The following LIMK2 variants were observed in gnomAD, a reference collection of about 807,000 sequenced individuals.
LIMK2 encodes the protein LIM domain kinase 2.
LIMK2 carries 35 observed loss-of-function variants against 75.7 expected under a neutral mutation model. That is an observed-to-expected ratio of 0.46 (90% CI 0.35 to 0.61). The LOEUF (loss-of-function observed/expected upper bound fraction) is 0.61. Ranked by LOEUF, LIMK2 falls within the 20% of genes least tolerant of loss-of-function variation. The pLI is 0.00. For missense variants in LIMK2, 623 were observed against 831.0 expected, an observed-to-expected ratio of 0.75 and a Z score of 3.08; for synonymous variants, 301 against 319.2, an observed-to-expected ratio of 0.94 and a Z score of 0.61.
At chr22:31,237,130 A>G (rs916843893) in intron 2 of LIMK2, among the ~76,000 whole-genome samples, 3 of 151,200 alleles carry the variant, frequency 2.0e-5, no homozygotes, top group Admixed American at 6.6e-5. Context: ...GCATGGTGGC[A>G]GGCACCTGTA....
chr22:31,249,102 G>A (rs916021852), intron 2 of LIMK2, among the ~76,000 whole-genome samples: 1 of 152,288 alleles, frequency 6.6e-6, no homozygotes, highest in East Asian at 1.9e-4. Flanking sequence ...CAAATAGAGT[G>A]CTGTTTCCAG....
Position 31,267,847 on chromosome 22 carries a change from G to A in LIMK2, c.1200G>A (p.Lys400=). ...KFIGVLYKDK[K]LNLLTEYIEG... The stretch of plus-strand genomic sequence containing the variant: ...TTGGTGTGCTGTACAAGGATAAGAA[G>A]CTGAACCTCCTGACAGAGTACATTG... The change falls in exon 10 of 16, where the codon AAG becomes AAA. Residue 400 remains lysine (K), a synonymous_variant. Coordinates refer to ENST00000331728, the MANE Select transcript of LIMK2 (RefSeq NM_005569.4). 6.2e-7 allele frequency: 1 copy of A among 1,613,410 alleles called. No individual in the cohort carries two copies. Among genetic ancestry groups the A allele is most frequent in the Non-Finnish European group, 8.5e-7 (1 of 1,179,714 alleles).
At position 31,264,006 on chromosome 22, in the gene LIMK2, T is replaced by G. The variant is rs552458413; in HGVS notation, c.854+1215T>G. ...CCTTGTCTCCAAAAAAAAAAGTTTG[T>G]TTTTTTTTATCCACTCTCCTCACCA... On this transcript the variant is annotated intron_variant, in intron 7 of 15. Transcript: ENST00000331728. Among the ~76,000 whole-genome samples the G allele has an allele frequency of 3.0e-4, 45 of 151,170 alleles. No homozygotes were observed. The East Asian group carries it at 8.5e-3, about 29-fold the overall frequency.
chr22:31,263,662 A>G (rs2048863016), intron 7 of LIMK2, among the ~76,000 whole-genome samples: 1 of 150,974 alleles, frequency 6.6e-6, no homozygotes, highest in Admixed American at 6.7e-5. Flanking sequence ...CAACATAGTG[A>G]GACACTGTCT....
intron 2 of LIMK2, 103 bp downstream of exon 2, chr22:31,225,922 C>A: frequency 1.1e-6 from 1 of 889,168 alleles, no homozygotes; most frequent in Non-Finnish European, 1.8e-6. Context: ...TTGAGAATTT[C>A]AATCTTAGGG....
chr22:31,265,866 C>A, intron 7 of LIMK2, 80 bp from the exon 8 acceptor site: 2 of 1,166,140 alleles, frequency 1.7e-6, no homozygotes, highest in Admixed American at 1.9e-5. Flanking sequence ...AACAGGTGCC[C>A]CTAAGTTTCC....
rs1289047048 is a variant in LIMK2, at chr22:31,260,071, TG to T, written c.546del (p.Glu184ArgfsTer51). ...TCCAACTACGCCACCACTGTGCAAG[TG>T]AAAGAGTAAGTATTTTGAGAACCCT... ...ACSNYATTVQVKEVNRMHISP... is the reference protein window; with the variant it reads ...ACSNYATTVQXKEVNRMHISP... On this transcript the variant is annotated frameshift_variant, in exon 5 of 16. Coordinates refer to ENST00000331728, the MANE Select transcript of LIMK2 (RefSeq NM_005569.4). LOFTEE classifies it high-confidence loss of function. 6.4e-7 allele frequency: 1 copy of T among 1,573,248 alleles called. No homozygotes were observed. The highest frequency in any genetic ancestry group is 1.7e-4 in the Middle Eastern group (1 of 5,932).
At chr22:31,272,905 A>G in intron 13 of LIMK2, 2 of 1,353,508 alleles carry the variant, frequency 1.5e-6, no homozygotes, top group Non-Finnish European at 1.9e-6. Flanking sequence ...GTGTCCCATC[A>G]TGGGGGATAA....
intron 2 of LIMK2, among the ~76,000 whole-genome samples, chr22:31,243,577 C>T (rs950150360): frequency 6.6e-6 from 1 of 152,212 alleles, no homozygotes; most frequent in Non-Finnish European, 1.5e-5. Flanking sequence ...AGACCTGTGC[C>T]TCAGCTGGTT....
At chr22:31,219,780 G>A (rs1186522496) in intron 1 of LIMK2, among the ~76,000 whole-genome samples, 2 of 152,074 alleles carry the variant, frequency 1.3e-5, no homozygotes, top group African/African-American at 4.8e-5. Context: ...CACCGTGTTA[G>A]CCAGGATGGC....
chr22:31,243,000 G>A (rs994870514), intron 2 of LIMK2, among the ~76,000 whole-genome samples: 7 of 152,166 alleles, frequency 4.6e-5, no homozygotes, highest in East Asian at 1.9e-4. Context: ...TTGGCTCACC[G>A]CAACCTCCGC....
intron 2 of LIMK2, among the ~76,000 whole-genome samples, chr22:31,236,968 A>AAAAT (rs1568987539): frequency 4.5e-5 from 6 of 133,172 alleles, no homozygotes; most frequent in Non-Finnish European, 1.0e-4. Flanking sequence ...TAAAATAAAA[A>AAAAT]AATATGGAGG....
chr22:31,237,260 CAA>C (rs1349737616), intron 2 of LIMK2, among the ~76,000 whole-genome samples: 6 of 61,952 alleles, frequency 9.7e-5, no homozygotes, highest in Admixed American at 3.7e-4. Flanking sequence ...GACTCTGTCT[CAA>C]AAAAAAAAAA....
intron 2 of LIMK2, among the ~76,000 whole-genome samples, chr22:31,248,964 G>A (rs144861667): frequency 6.6e-6 from 1 of 152,298 alleles, no homozygotes; most frequent in African/African-American, 2.4e-5. Flanking sequence ...TGAGGGGAGG[G>A]ATATACCCAG....
At chr22:31,254,780 G>A (rs2123826498) in intron 2 of LIMK2, among the ~76,000 whole-genome samples, 1 of 152,292 alleles carries the variant, frequency 6.6e-6, no homozygotes, top group South Asian at 2.1e-4. Context: ...CCAACATGGG[G>A]AAACCCCGTC....
At chr22:31,220,969 A>T (rs2048428699) in intron 1 of LIMK2, among the ~76,000 whole-genome samples, 1 of 152,242 alleles carries the variant, frequency 6.6e-6, no homozygotes, top group Non-Finnish European at 1.5e-5. Context: ...TGTTTCAAAA[A>T]AAAAAATTTT....
intron 11 of LIMK2, among the ~76,000 whole-genome samples, chr22:31,270,114 A>G (rs1423826166): frequency 2.0e-5 from 3 of 152,182 alleles, no homozygotes; most frequent in Non-Finnish European, 4.4e-5. Flanking sequence ...ACCTATCAGC[A>G]TCTTCTGGGC....
At chr22:31,249,154 A>T (rs369417845) in intron 2 of LIMK2, among the ~76,000 whole-genome samples, 4 of 152,182 alleles carry the variant, frequency 2.6e-5, no homozygotes, top group African/African-American at 9.7e-5. Flanking sequence ...CCTGCCCAGG[A>T]ATTTGTCCCA....
chr22:31,269,629 C>T (rs999490960), intron 11 of LIMK2, among the ~76,000 whole-genome samples: 4 of 151,878 alleles, frequency 2.6e-5, no homozygotes, highest in African/African-American at 9.7e-5. Flanking sequence ...CAAAAATTAG[C>T]TGGGCGTGGT....
Sources: gnomAD v4.1 joint callset for allele counts (sites outside exome capture counted in the v4.1 genomes callset) on GRCh38, gnomAD v4.1.1 for gene constraint, MANE v1.5 for transcripts, NCBI Gene and HGNC (gene_info 2026-07-23, HGNC 2026-07-21) for gene names.